Variants in APBB2 observed in about 807,000 individuals in gnomAD.
APBB2 encodes amyloid beta precursor protein binding family B member 2, also known as Fe65-like 1.
A neutral mutation model predicts 82.5 loss-of-function variants in APBB2; 38 were observed. The ratio of observed to expected loss-of-function variants is 0.46; its 90% CI spans 0.36 to 0.60. The LOEUF is 0.60. Among genes scored for constraint, APBB2 ranks in the 20% least tolerant of loss-of-function variants. APBB2 has a pLI of 0.00. For missense variants in APBB2, 772 were observed against 972.3 expected, an observed-to-expected ratio of 0.79 and a Z score of 2.74; for synonymous variants, 341 against 368.2, an observed-to-expected ratio of 0.93 and a Z score of 0.85.
chr4:41,069,710 T>C (rs765537223), intron 3 of APBB2, among the ~76,000 whole-genome samples: 7 of 152,196 alleles, frequency 4.6e-5, no homozygotes, highest in Non-Finnish European at 1.0e-4. Context: ...AATACATTAG[T>C]GAAAAGCTTT....
At position 40,945,111 on chromosome 4, in the gene APBB2, G is replaced by T. The variant is rs376260632; in HGVS notation, c.836-38C>A. The T allele has an allele frequency of 4.0e-5, 55 of 1,371,132 alleles. No homozygotes were observed. The African/African-American group carries it at 6.5e-4, about 16-fold the overall frequency. The allele number at this position is 1,371,132 out of a possible 1,614,324, so 84.9% of individuals were successfully genotyped here. On this transcript the variant is annotated intron_variant, in intron 6 of 17. Transcript: ENST00000508593. ...GGGGCGGGGCGGGGGGAGAAAGAGA[G>T]AATTTTATTAAAAGAATGTCAGCAC... is the stretch of plus-strand genomic sequence containing the variant.
At chr4:41,106,627 C>T (rs942138548) in intron 2 of APBB2, among the ~76,000 whole-genome samples, 2 of 152,082 alleles carry the variant, frequency 1.3e-5, no homozygotes, top group African/African-American at 4.8e-5. Context: ...CAGGCGCCCG[C>T]CACCACGCCA....
chr4:41,200,353 T>C (rs1282303154), intron 1 of APBB2, among the ~76,000 whole-genome samples: 2 of 152,054 alleles, frequency 1.3e-5, no homozygotes, highest in Non-Finnish European at 2.9e-5. Flanking sequence ...AATTCAATAA[T>C]TTTGGAAGAA....
intron 2 of APBB2, among the ~76,000 whole-genome samples, chr4:41,119,092 T>A (rs1560802150): frequency 6.6e-6 from 1 of 151,718 alleles, no homozygotes; most frequent in Non-Finnish European, 1.5e-5. Flanking sequence ...CAAACCGAGA[T>A]CATGCCACTG....
At chr4:40,929,115 C>T (rs368359059) in intron 10 of APBB2, among the ~76,000 whole-genome samples, 5 of 151,694 alleles carry the variant, frequency 3.3e-5, no homozygotes, top group African/African-American at 9.7e-5. Flanking sequence ...TACAACATGA[C>T]GGCGATCTGG....
intron 12 of APBB2, among the ~76,000 whole-genome samples, chr4:40,873,087 CAAA>C (rs71648932): frequency 2.8e-5 from 3 of 106,058 alleles, no homozygotes; most frequent in Non-Finnish European, 1.9e-5. Context: ...GACTCCATCT[CAAA>C]AAAAAAAAAA....
At chr4:40,980,532 TGCAGAGC>T in intron 6 of APBB2, among the ~76,000 whole-genome samples, 1 of 60,336 alleles carries the variant, frequency 1.7e-5, no homozygotes, top group Admixed American at 1.8e-4. Context: ...CAGAGCCAAC[TGCAGAGC>T]CAATGAGTGT....
At chr4:41,155,241 TTTTTTGTTTTTG>T (rs537058645) in intron 1 of APBB2, among the ~76,000 whole-genome samples, 1 of 152,002 alleles carries the variant, frequency 6.6e-6, no homozygotes, top group South Asian at 2.1e-4. Flanking sequence ...TTGGAACTGT[TTTTTTGTTTTTG>T]TTTTTGTTTT....
chr4:40,821,206 A>G (rs1005715541), intron 17 of APBB2, among the ~76,000 whole-genome samples: 1 of 152,186 alleles, frequency 6.6e-6, no homozygotes, highest in Non-Finnish European at 1.5e-5. Context: ...AGTGTCTGGC[A>G]TAAGAGGGGC....
At chr4:41,047,776 G>T (rs758762358) in intron 4 of APBB2, among the ~76,000 whole-genome samples, 30 of 152,178 alleles carry the variant, frequency 2.0e-4, no homozygotes, top group Non-Finnish European at 4.0e-4. Flanking sequence ...CGACTCCAAA[G>T]ACCTCATTTG....
intron 3 of APBB2, among the ~76,000 whole-genome samples, chr4:41,089,857 G>A (rs1395455717): frequency 6.6e-6 from 1 of 152,096 alleles, no homozygotes; most frequent in Non-Finnish European, 1.5e-5. Context: ...GGAAAAGAGT[G>A]GTCATAAGCA....
At chr4:41,072,459 C>T (rs1448808495) in intron 3 of APBB2, among the ~76,000 whole-genome samples, 1 of 152,164 alleles carries the variant, frequency 6.6e-6, no homozygotes, top group East Asian at 1.9e-4. Flanking sequence ...ACCAACCTTT[C>T]CCTTCTTCAA....
chr4:40,957,316 A>T (rs1173444783), intron 6 of APBB2, among the ~76,000 whole-genome samples: 2 of 151,560 alleles, frequency 1.3e-5, no homozygotes, highest in Non-Finnish European at 2.9e-5. Context: ...CAACAATCAC[A>T]TTTTTTTTTA....
chr4:40,823,723 A>G lies in APBB2; in HGVS notation c.1853T>C (p.Met618Thr), dbSNP rs762928047. The G allele has an allele frequency of 1.9e-6, 3 of 1,613,464 alleles. No individual in the cohort carries two copies. The highest frequency in any genetic ancestry group is 1.1e-5 in the South Asian group (1 of 91,072). ...CCAGTCCTCCTTGTTGGATGAGGTC[A>G]TAAGATTTTCTATGGCACTGTTCAA... ...DILNSAIENL[M>T]TSSNKEDWLS... is the part of the protein sequence containing the mutation. The change falls in exon 16 of 18, where the codon ATG (methionine) becomes ACG (threonine). Residue 618 changes from methionine (M) to threonine (T), a missense_variant. By Grantham distance (81) the Met-to-Thr change is moderately conservative. Coordinates refer to ENST00000508593, the MANE Select transcript of APBB2 (RefSeq NM_004307.2).
intron 12 of APBB2, among the ~76,000 whole-genome samples, chr4:40,844,510 C>T (rs10020083): frequency 1.9e-4 from 29 of 152,322 alleles, no homozygotes; most frequent in Middle Eastern, 3.4e-3. Context: ...GATGGACTGT[C>T]TCCCACGGAA....
rs58941450 is a variant in APBB2, at chr4:40,817,297, A to G, written c.2113-1038T>C. 4.4e-3 allele frequency among the ~76,000 whole-genome samples: 675 copies of G among 152,194 alleles called. 5 individuals carry two copies. Among genetic ancestry groups the G allele is most frequent in the African/African-American group, 0.016 (644 of 41,516 alleles). On this transcript the variant is annotated intron_variant, in intron 17 of 17. Coordinates refer to ENST00000508593, the MANE Select transcript of APBB2 (RefSeq NM_004307.2). ...GTGGCACATGCCTGTGGTTCCAGCT[A>G]CTTGGGAGGCTGAGGCGGGAGGATT...
intron 6 of APBB2, among the ~76,000 whole-genome samples, chr4:41,003,892 T>TA (rs1805916295): frequency 6.6e-6 from 1 of 152,080 alleles, no homozygotes; most frequent in Admixed American, 6.5e-5. Flanking sequence ...TTTGTATTTT[T>TA]AGTAGAGACA....
chr4:40,936,748 A>G (rs1441054003), intron 7 of APBB2, among the ~76,000 whole-genome samples: 1 of 152,236 alleles, frequency 6.6e-6, no homozygotes, highest in African/African-American at 2.4e-5. Context: ...CTTAATGAAT[A>G]AAGGGCAGGA....
chr4:40,890,101 G>A (rs1771532602), intron 12 of APBB2, among the ~76,000 whole-genome samples: 2 of 152,174 alleles, frequency 1.3e-5, no homozygotes, highest in South Asian at 4.1e-4. Context: ...GCATGAGGAG[G>A]GTCAGGAGAA....
Sources: gnomAD v4.1 joint callset for allele counts (sites outside exome capture counted in the v4.1 genomes callset) on GRCh38, gnomAD v4.1.1 for gene constraint, MANE v1.5 for transcripts, NCBI Gene and HGNC (gene_info 2026-07-23, HGNC 2026-07-21) for gene names.